The following MAPK10 variants were observed in gnomAD, a reference collection of about 807,000 sequenced individuals.
The protein encoded by MAPK10 is mitogen-activated protein kinase 10, also known as JNK3 alpha protein kinase.
In MAPK10, 25 loss-of-function variants were observed where a neutral mutation model predicts 59.3. That is an observed-to-expected ratio of 0.42 (90% CI 0.31 to 0.59). The LOEUF is 0.59. Ranked by LOEUF, MAPK10 falls within the 20% of genes least tolerant of loss-of-function variation. The pLI is 0.15. For synonymous variants in MAPK10, 190 were observed against 200.5 expected (o/e 0.95, Z 0.44); for missense variants, 351 against 568.9 (o/e 0.62, Z 3.90).
intron 1 of MAPK10, among the ~76,000 whole-genome samples, chr4:86,523,093 C>A (rs971595221): frequency 5.3e-5 from 8 of 152,052 alleles, no homozygotes; most frequent in Non-Finnish European, 1.0e-4. Flanking sequence ...TTTTTCATAT[C>A]ATTCATTCTA....
At chr4:86,391,434 T>G (rs1025989773) in intron 1 of MAPK10, among the ~76,000 whole-genome samples, 1 of 152,172 alleles carries the variant, frequency 6.6e-6, no homozygotes, top group African/African-American at 2.4e-5. Context: ...ACATGCAACG[T>G]TTTTAACTGT....
At chr4:86,359,288 C>CTGTGTGTG (rs1554248575) in intron 1 of MAPK10, among the ~76,000 whole-genome samples, 15 of 94,604 alleles carry the variant, frequency 1.6e-4, no homozygotes, top group African/African-American at 7.4e-4. Context: ...CTCTCTCTCT[C>CTGTGTGTG]TGTGTGTGTG....
At chr4:86,537,032 T>C (rs577041883) in intron 1 of MAPK10, among the ~76,000 whole-genome samples, 1 of 152,060 alleles carries the variant, frequency 6.6e-6, no homozygotes, top group East Asian at 1.9e-4. Context: ...GTGAGGAGGG[T>C]ACGCAGGCAT....
chr4:86,463,146 T>C (rs1309065092), intron 1 of MAPK10, among the ~76,000 whole-genome samples: 1 of 152,206 alleles, frequency 6.6e-6, no homozygotes, highest in Non-Finnish European at 1.5e-5. Flanking sequence ...TGTTAACTGA[T>C]TCAAGAGGCA....
chr4:86,115,186 A>C (rs554436293), intron 4 of MAPK10, among the ~76,000 whole-genome samples: 1 of 152,196 alleles, frequency 6.6e-6, no homozygotes, highest in Non-Finnish European at 1.5e-5. Flanking sequence ...ATGTGGGCCC[A>C]TGAGGGGATC....
intron 1 of MAPK10, among the ~76,000 whole-genome samples, chr4:86,510,950 A>G (rs1416399126): frequency 5.9e-5 from 9 of 152,178 alleles, no homozygotes; most frequent in Admixed American, 5.2e-4. Flanking sequence ...TAGAAGGAAT[A>G]AGTTCTAGTA....
intron 1 of MAPK10, among the ~76,000 whole-genome samples, chr4:86,557,795 T>A (rs1199955278): frequency 6.6e-6 from 1 of 152,034 alleles, no homozygotes; most frequent in Non-Finnish European, 1.5e-5. Flanking sequence ...CCATTGGGAG[T>A]GCAACAGGAG....
intron 3 of MAPK10, chr4:86,191,579 T>C (rs1439666309): frequency 6.4e-5 from 7 of 110,220 alleles, no homozygotes; most frequent in African/African-American, 3.4e-4. Context: ...TTTTTTTTTT[T>C]TTTTTTTTTT....
intron 9 of MAPK10, 65 bp downstream of exon 9, chr4:86,098,459 C>A: frequency 6.2e-7 from 1 of 1,606,576 alleles, no homozygotes; most frequent in Middle Eastern, 1.7e-4. Flanking sequence ...CTGGTAAAAT[C>A]ATTATGTGTT....
chr4:86,142,819 G>T (rs551515347), intron 4 of MAPK10, among the ~76,000 whole-genome samples: 1 of 152,160 alleles, frequency 6.6e-6, no homozygotes, highest in African/African-American at 2.4e-5. Context: ...CCCTCCTCAT[G>T]GTTATAAGAA....
intron 7 of MAPK10, 118 bp downstream of exon 7, chr4:86,101,776 T>A: frequency 1.0e-6 from 1 of 972,452 alleles, no homozygotes. Flanking sequence ...AATTCTAGTA[T>A]CAAAGAAATG....
At chr4:86,464,779 C>T (rs910838696) in intron 1 of MAPK10, among the ~76,000 whole-genome samples, 2 of 151,700 alleles carry the variant, frequency 1.3e-5, no homozygotes, top group Admixed American at 1.3e-4. Context: ...GAGATCATAC[C>T]ACTGCACTCC....
At chr4:86,458,979 C>T (rs1479363963) in intron 1 of MAPK10, among the ~76,000 whole-genome samples, 1 of 152,080 alleles carries the variant, frequency 6.6e-6, no homozygotes, top group East Asian at 1.9e-4. Context: ...ATAGACAACC[C>T]ACAGAATGGG....
chr4:86,216,256 C>CTATA (rs377367291), intron 2 of MAPK10, among the ~76,000 whole-genome samples: 1 of 137,980 alleles, frequency 7.2e-6, no homozygotes, highest in Non-Finnish European at 1.6e-5. Context: ...GCAAAATGTG[C>CTATA]TATATATATA....
At chr4:86,458,970 T>C (rs559326507) in intron 1 of MAPK10, among the ~76,000 whole-genome samples, 2 of 151,998 alleles carry the variant, frequency 1.3e-5, no homozygotes, top group East Asian at 1.9e-4. Context: ...GCAGAGTGAA[T>C]AGACAACCCA....
In MAPK10 at chr4:86,101,921, G is replaced by A. The variant is rs761360787; in HGVS notation, c.537C>T (p.His179=). 3 of 1,613,908 alleles carry A rather than the reference G, an allele frequency of 1.9e-6. No homozygotes were observed. Among genetic ancestry groups the A allele is most frequent in the Non-Finnish European group, 2.5e-6 (3 of 1,179,926 alleles). ...LLYQMLCGIK[H]LHSAGIIHRD... ...TGTGAATAATTCCAGCAGAATGGAGGTGCTTAATGCCACACAACATTTGGT... is the reference window on the plus strand; with the variant it reads ...TGTGAATAATTCCAGCAGAATGGAGATGCTTAATGCCACACAACATTTGGT... Residue 179 remains histidine (H), a synonymous_variant, in exon 7 of 14, where the codon CAC becomes CAT. Transcript: ENST00000641462.
intron 4 of MAPK10, among the ~76,000 whole-genome samples, chr4:86,111,151 T>C (rs1326534316): frequency 6.6e-6 from 1 of 152,200 alleles, no homozygotes; most frequent in Admixed American, 6.5e-5. Context: ...TTTCTAGATA[T>C]AGGATCATGC....
At chr4:86,558,424 A>G (rs1663368703) in intron 1 of MAPK10, among the ~76,000 whole-genome samples, 1 of 152,096 alleles carries the variant, frequency 6.6e-6, no homozygotes, top group Admixed American at 6.5e-5. Context: ...CCTCTGAGGC[A>G]GGTTGGTATT....
At position 86,096,606 on chromosome 4, in the gene MAPK10, G is replaced by A. The variant is rs116319153; in HGVS notation, c.802+1918C>T. Among the ~76,000 whole-genome samples the A allele has an allele frequency of 9.6e-3, 1,452 of 152,026 alleles. 29 individuals are homozygous for A. The highest frequency in any genetic ancestry group is 0.032 in the African/African-American group (1,347 of 41,516). ...CTGACAAGTGCATGAGAGAGATGTG[G>A]CTGTGCAACTTCACTCTGAGTATTG... On this transcript the variant is annotated intron_variant, in intron 9 of 13. Coordinates refer to ENST00000641462, the MANE Select transcript of MAPK10 (RefSeq NM_138982.4).
Sources: allele counts gnomAD v4.1 joint callset (sites outside exome capture counted in the v4.1 genomes callset), GRCh38; gene constraint gnomAD v4.1.1; transcripts MANE v1.5; gene names NCBI Gene and HGNC (gene_info 2026-07-23, HGNC 2026-07-21).